The following SAMD12 variants were observed in gnomAD, a reference collection of about 807,000 sequenced individuals.
SAMD12 encodes the protein sterile alpha motif domain-containing protein 12.
SAMD12 carries 9 observed loss-of-function variants against 15.0 expected under a neutral mutation model. The ratio of observed to expected loss-of-function variants is 0.60; its 90% CI spans 0.36 to 1.05. The LOEUF (loss-of-function observed/expected upper bound fraction) is 1.05, where lower values mean the gene tolerates loss of function less well. Ranked by LOEUF, SAMD12 falls within the 50% of genes least tolerant of loss-of-function variation. The probability of loss-of-function intolerance (pLI) is 0.01; values close to 1 mark genes in which losing one functional copy is unlikely to be tolerated. For missense variants in SAMD12, 230 were observed against 234.2 expected (o/e 0.98, Z 0.12); for synonymous variants, 86 against 90.1 (o/e 0.96, Z 0.25).
intron 4 of SAMD12, among the ~76,000 whole-genome samples, chr8:118,207,284 T>C (rs1404890145): frequency 6.6e-6 from 1 of 152,212 alleles, no homozygotes; most frequent in East Asian, 1.9e-4. Flanking sequence ...GAATACAGGA[T>C]GATGCATTTC....
intron 2 of SAMD12, among the ~76,000 whole-genome samples, chr8:118,522,528 C>A (rs1462638423): frequency 4.6e-5 from 7 of 152,056 alleles, no homozygotes; most frequent in African/African-American, 1.7e-4. Flanking sequence ...CAAAGAAAAA[C>A]AGAAAACAAT....
chr8:118,542,375 T>C (rs1293795040), intron 2 of SAMD12, among the ~76,000 whole-genome samples: 1 of 152,240 alleles, frequency 6.6e-6, no homozygotes, highest in African/African-American at 2.4e-5. Context: ...TATGATGAAA[T>C]GTCTTAGATA....
At position 118,291,759 on chromosome 8, in the gene SAMD12, C is replaced by T. The variant is rs113146347; in HGVS notation, c.433+87801G>A. 6.7e-3 allele frequency among the ~76,000 whole-genome samples: 1,011 copies of T among 151,476 alleles called. 14 individuals carry two copies. The highest frequency in any genetic ancestry group is 0.023 in the African/African-American group (962 of 41,396). On this transcript the variant is annotated intron_variant, in intron 4 of 4. Transcript: ENST00000409003. ...CCATGTAAACTGTCATGTGTTTTCT[C>T]GGTTGAAGCCACAAGCTGCTTCCTG...
chr8:118,314,557 TC>T (rs1350212988), intron 4 of SAMD12, among the ~76,000 whole-genome samples: 4 of 152,210 alleles, frequency 2.6e-5, no homozygotes, highest in Non-Finnish European at 5.9e-5. Flanking sequence ...TCACTCACCA[TC>T]CCTGACCCCT....
chr8:118,257,160 C>T (rs568352994), intron 4 of SAMD12, among the ~76,000 whole-genome samples: 11 of 152,172 alleles, frequency 7.2e-5, no homozygotes, highest in Admixed American at 2.0e-4. Flanking sequence ...AAGCTAAATA[C>T]CCACCATGTT....
At chr8:118,503,834 CA>C (rs751092466) in intron 2 of SAMD12, among the ~76,000 whole-genome samples, 2 of 152,130 alleles carry the variant, frequency 1.3e-5, no homozygotes, top group Non-Finnish European at 2.9e-5. Flanking sequence ...AAATTAATCC[CA>C]TCACAAAACG....
At chr8:118,472,780 T>TA (rs5894437) in intron 2 of SAMD12, among the ~76,000 whole-genome samples, 59,052 of 151,544 alleles carry the variant, frequency 0.39, 13,673 homozygotes, top group Non-Finnish European at 0.49. Flanking sequence ...CTGGTTACAG[T>TA]AAAAAAGCCT....
At chr8:118,143,372 T>G in the SAMD12 span, among the ~76,000 whole-genome samples, 143,531 of 152,242 alleles carry the variant, frequency 0.94, 68,013 homozygotes, top group Non-Finnish European at 1. Flanking sequence ...TGAAGCCAGA[T>G]AAACCCTAAT....
chr8:118,137,273 T>G, the SAMD12 span, among the ~76,000 whole-genome samples: 6 of 152,204 alleles, frequency 3.9e-5, no homozygotes, highest in African/African-American at 4.8e-5. Context: ...TATGCTTCTA[T>G]GCAAAGGAAG....
intron 1 of SAMD12, among the ~76,000 whole-genome samples, chr8:118,585,137 C>T (rs890922146): frequency 1.3e-5 from 2 of 152,126 alleles, no homozygotes; most frequent in South Asian, 4.1e-4. Flanking sequence ...GCATTCTCAT[C>T]CATACTACAA....
At chr8:118,464,242 T>C (rs543224307) in intron 2 of SAMD12, among the ~76,000 whole-genome samples, 3 of 152,338 alleles carry the variant, frequency 2.0e-5, no homozygotes, top group African/African-American at 4.8e-5. Context: ...CGGCTAACTT[T>C]GCTAAACCTA....
chr8:118,511,566 G>A (rs1825082447), intron 2 of SAMD12, among the ~76,000 whole-genome samples: 1 of 152,012 alleles, frequency 6.6e-6, no homozygotes, highest in Non-Finnish European at 1.5e-5. Context: ...AGTTACAATG[G>A]TGGGGCCCTA....
chr8:118,552,967 C>A (rs1216624594), intron 2 of SAMD12, among the ~76,000 whole-genome samples: 1 of 151,998 alleles, frequency 6.6e-6, no homozygotes, highest in Admixed American at 6.6e-5. Flanking sequence ...AGGAATCCAA[C>A]TTACAAGGGA....
At chr8:118,613,517 A>G (rs1828157939) in intron 1 of SAMD12, among the ~76,000 whole-genome samples, 1 of 152,240 alleles carries the variant, frequency 6.6e-6, no homozygotes, top group Non-Finnish European at 1.5e-5. Flanking sequence ...TCATAGCATG[A>G]TTATAAAGGA....
chr8:118,348,415 G>T (rs1817775186), intron 4 of SAMD12, among the ~76,000 whole-genome samples: 1 of 150,286 alleles, frequency 6.7e-6, no homozygotes, highest in South Asian at 2.1e-4. Flanking sequence ...CTGTTGCCTA[G>T]GCTGGAGTGC....
At chr8:118,155,697 T>C in the SAMD12 span, among the ~76,000 whole-genome samples, 1 of 152,220 alleles carries the variant, frequency 6.6e-6, no homozygotes, top group African/African-American at 2.4e-5. Context: ...GGAGGGTGCC[T>C]ATGGCAAAGA....
chr8:118,587,635 C>T (rs974679558), intron 1 of SAMD12, among the ~76,000 whole-genome samples: 1 of 152,174 alleles, frequency 6.6e-6, no homozygotes, highest in South Asian at 2.1e-4. Flanking sequence ...GCCTTAAAGG[C>T]ATATGTGATA....
chr8:118,418,105 G>C (rs999229218), intron 3 of SAMD12, among the ~76,000 whole-genome samples: 6 of 152,114 alleles, frequency 3.9e-5, no homozygotes, highest in African/African-American at 1.4e-4. Flanking sequence ...GTTTACTGTG[G>C]AATAGGACGA....
At chr8:118,300,624 T>TA (rs1454238128) in intron 4 of SAMD12, among the ~76,000 whole-genome samples, 1 of 152,184 alleles carries the variant, frequency 6.6e-6, no homozygotes, top group Non-Finnish European at 1.5e-5. Flanking sequence ...TTGTTAGAAA[T>TA]AAAATTCATA....
Sources: allele counts gnomAD v4.1 joint callset (sites outside exome capture counted in the v4.1 genomes callset), GRCh38; gene constraint gnomAD v4.1.1; transcripts MANE v1.5; gene names NCBI Gene and HGNC (gene_info 2026-07-23, HGNC 2026-07-21).